Variants in LRP1B observed in about 807,000 individuals in gnomAD.
The protein encoded by LRP1B is LDL receptor related protein 1B.
Under a neutral mutation model 556.6 loss-of-function variants are expected in LRP1B, and 217 were observed. The ratio of observed to expected loss-of-function variants is 0.39; its 90% CI spans 0.35 to 0.44. The LOEUF is 0.44. LRP1B is among the 20% of genes least tolerant of loss of function. The pLI is 1.00. For synonymous variants in LRP1B, 2,047 were observed against 1,865.8 expected (o/e 1.10, Z -2.50); for missense variants, 5,053 against 5,620.8 (o/e 0.90, Z 3.23).
chr2:141,313,866 C>CTT (rs5834819), intron 3 of LRP1B, among the ~76,000 whole-genome samples: 14 of 146,052 alleles, frequency 9.6e-5, no homozygotes, highest in Admixed American at 2.7e-4. Context: ...AGATTTCACT[C>CTT]TTTTTTTTTT....
At chr2:140,323,430 A>G (rs994194740) in intron 81 of LRP1B, among the ~76,000 whole-genome samples, 3 of 151,950 alleles carry the variant, frequency 2.0e-5, no homozygotes, top group African/African-American at 7.2e-5. Context: ...AAGAGTCAAA[A>G]TGGCTAACAA....
At chr2:141,254,831 G>A (rs1158714930) in intron 3 of LRP1B, among the ~76,000 whole-genome samples, 190 bp from the exon 4 acceptor site, 2 of 151,812 alleles carry the variant, frequency 1.3e-5, no homozygotes, top group African/African-American at 2.4e-5. Context: ...AATAAAATTC[G>A]AGATCAATCT....
At chr2:141,199,571 G>A (rs1681910488) in intron 6 of LRP1B, among the ~76,000 whole-genome samples, 2 of 152,072 alleles carry the variant, frequency 1.3e-5, no homozygotes, top group Non-Finnish European at 2.9e-5. Flanking sequence ...ACACTTGTCT[G>A]CTTTTCTTTG....
intron 41 of LRP1B, among the ~76,000 whole-genome samples, chr2:140,615,694 C>T (rs910721742): frequency 6.6e-6 from 1 of 152,008 alleles, no homozygotes; most frequent in African/African-American, 2.4e-5. Flanking sequence ...TGCTGTTTGT[C>T]AACTCCTCCA....
intron 41 of LRP1B, among the ~76,000 whole-genome samples, chr2:140,676,492 T>C (rs926163461): frequency 1.3e-5 from 2 of 152,174 alleles, no homozygotes; most frequent in African/African-American, 4.8e-5. Context: ...CAACAGATTA[T>C]CCCATAAGAC....
chr2:141,351,573 T>TTCAG (rs1316034077), intron 3 of LRP1B, among the ~76,000 whole-genome samples: 2 of 152,026 alleles, frequency 1.3e-5, no homozygotes, highest in Admixed American at 1.3e-4. Flanking sequence ...CCCTCAATTA[T>TTCAG]TCAGTCATTC....
intron 84 of LRP1B, among the ~76,000 whole-genome samples, chr2:140,281,236 G>C (rs534538833): frequency 3.2e-4 from 49 of 151,994 alleles, no homozygotes; most frequent in Non-Finnish European, 6.3e-4. Context: ...CAAATGCACA[G>C]GTTTACAAAT....
intron 67 of LRP1B, 147 bp downstream of exon 67, chr2:140,385,746 A>G: frequency 1.6e-6 from 1 of 641,760 alleles, no homozygotes; most frequent in Non-Finnish European, 2.8e-6. Context: ...AGGTAGTCTG[A>G]ATATTCTTGT....
At chr2:142,030,200 G>A (rs1472805660) in intron 1 of LRP1B, among the ~76,000 whole-genome samples, 1 of 151,854 alleles carries the variant, frequency 6.6e-6, no homozygotes, top group South Asian at 2.1e-4. Context: ...AGCTCCTTAA[G>A]GTATTTCACA....
chr2:141,890,215 A>T (rs7602677), intron 1 of LRP1B, among the ~76,000 whole-genome samples: 1 of 150,690 alleles, frequency 6.6e-6, no homozygotes, highest in Non-Finnish European at 1.5e-5. Flanking sequence ...TCCTGAAAAC[A>T]TTACTCCACT....
intron 43 of LRP1B, among the ~76,000 whole-genome samples, chr2:140,542,990 T>G (rs2105024473): frequency 6.6e-6 from 1 of 152,244 alleles, no homozygotes; most frequent in South Asian, 2.1e-4. Flanking sequence ...TTCAAATATT[T>G]AATTCAAATT....
intron 32 of LRP1B, among the ~76,000 whole-genome samples, chr2:140,782,076 T>G (rs781306356): frequency 6.6e-6 from 1 of 152,238 alleles, no homozygotes. Context: ...TGTTTCACAC[T>G]GTTATTGACA....
intron 2 of LRP1B, among the ~76,000 whole-genome samples, chr2:141,808,793 G>A (rs34474362): frequency 0.22 from 32,875 of 151,896 alleles, 3,757 homozygotes; most frequent in East Asian, 0.39. Context: ...CCCACTTTCT[G>A]TCTCTATAGA....
intron 3 of LRP1B, among the ~76,000 whole-genome samples, chr2:141,442,566 C>T (rs1289123501): frequency 5.9e-5 from 9 of 151,924 alleles, no homozygotes; most frequent in Non-Finnish European, 1.2e-4. Flanking sequence ...TCTCCTAATG[C>T]TATCCCTCCC....
At chr2:140,831,389 T>G (rs1469868320) in intron 31 of LRP1B, among the ~76,000 whole-genome samples, 1 of 152,070 alleles carries the variant, frequency 6.6e-6, no homozygotes, top group African/African-American at 2.4e-5. Context: ...GCCAATACAT[T>G]TTTGACAAAG....
At chr2:140,263,890 A>C (rs898727635) in intron 86 of LRP1B, among the ~76,000 whole-genome samples, 1 of 150,328 alleles carries the variant, frequency 6.7e-6, no homozygotes, top group African/African-American at 2.5e-5. Flanking sequence ...CTTTTTAGGT[A>C]TTTGTTACAG....
At chr2:140,316,346 A>G (rs1684518677) in intron 82 of LRP1B, among the ~76,000 whole-genome samples, 1 of 152,142 alleles carries the variant, frequency 6.6e-6, no homozygotes, top group Non-Finnish European at 1.5e-5. Flanking sequence ...TATCACTGCA[A>G]TGATTTCAAG....
chr2:141,474,804 G>A (rs1168220869), intron 3 of LRP1B, among the ~76,000 whole-genome samples: 1 of 152,066 alleles, frequency 6.6e-6, no homozygotes. Flanking sequence ...ATGTGTGTAT[G>A]TATTTGTATG....
intron 1 of LRP1B, among the ~76,000 whole-genome samples, chr2:141,884,549 G>A (rs1371378891): frequency 6.6e-6 from 1 of 152,108 alleles, no homozygotes; most frequent in African/African-American, 2.4e-5. Flanking sequence ...TATCCCTTTT[G>A]TCCTTTCTTA....
Sources: allele counts gnomAD v4.1 joint callset (sites outside exome capture counted in the v4.1 genomes callset), GRCh38; gene constraint gnomAD v4.1.1; transcripts MANE v1.5; gene names NCBI Gene and HGNC (gene_info 2026-07-23, HGNC 2026-07-21).